SLC35F1: variants seen among roughly 807,000 people sequenced by gnomAD.
SLC35F1 encodes solute carrier family 35 member F1, also known as chromosome 6 open reading frame 169.
Under a neutral mutation model 48.7 loss-of-function variants are expected in SLC35F1, and 14 were observed. That is an observed-to-expected ratio of 0.29 (90% CI 0.19 to 0.45). The LOEUF (loss-of-function observed/expected upper bound fraction) is 0.45, where lower values mean the gene tolerates loss of function less well. Ranked by LOEUF, SLC35F1 falls within the 20% of genes least tolerant of loss-of-function variation. The pLI, the probability that SLC35F1 is intolerant of heterozygous loss-of-function variation, is 1.00. For missense variants in SLC35F1, 404 were observed against 500.0 expected, an observed-to-expected ratio of 0.81 and a Z score of 1.83; for synonymous variants, 190 against 202.2, an observed-to-expected ratio of 0.94 and a Z score of 0.51.
At chr6:118,231,456 T>C (rs1187603680) in intron 2 of SLC35F1, among the ~76,000 whole-genome samples, 4 of 152,210 alleles carry the variant, frequency 2.6e-5, no homozygotes, top group African/African-American at 7.2e-5. Context: ...AGAGTTTTAA[T>C]GGTCTGTTGC....
chr6:118,016,550 C>T (rs2114880731), intron 1 of SLC35F1, among the ~76,000 whole-genome samples: 1 of 152,274 alleles, frequency 6.6e-6, no homozygotes, highest in African/African-American at 2.4e-5. Context: ...TTTTAAAAGG[C>T]ATAGAATTCA....
chr6:118,299,655 C>T (rs749357229), intron 7 of SLC35F1, among the ~76,000 whole-genome samples: 6 of 152,018 alleles, frequency 3.9e-5, no homozygotes, highest in Non-Finnish European at 5.9e-5. Context: ...GATTGTAATG[C>T]GAAGTAAAAA....
intron 1 of SLC35F1, among the ~76,000 whole-genome samples, chr6:117,964,942 G>C (rs1316802735): frequency 6.6e-6 from 1 of 152,154 alleles, no homozygotes; most frequent in Non-Finnish European, 1.5e-5. Flanking sequence ...CTACATGCAG[G>C]AAAACAGAAA....
intron 3 of SLC35F1, among the ~76,000 whole-genome samples, chr6:118,260,925 C>G (rs1440342069): frequency 6.6e-6 from 1 of 152,186 alleles, no homozygotes; most frequent in Non-Finnish European, 1.5e-5. Flanking sequence ...GTGTCTGTCT[C>G]TCTAATGTCT....
At chr6:118,024,367 GA>G (rs1777436305) in intron 1 of SLC35F1, among the ~76,000 whole-genome samples, 9 of 152,174 alleles carry the variant, frequency 5.9e-5, no homozygotes. Context: ...TCATTAAGAT[GA>G]AAAGAAAAGC....
At chr6:118,211,192 C>A (rs868619458) in intron 2 of SLC35F1, among the ~76,000 whole-genome samples, 5 of 152,318 alleles carry the variant, frequency 3.3e-5, no homozygotes, top group South Asian at 4.1e-4. Flanking sequence ...AATTTCATTG[C>A]TTAAACCATC....
intron 1 of SLC35F1, among the ~76,000 whole-genome samples, chr6:118,095,771 T>C (rs1397192982): frequency 6.6e-6 from 1 of 152,008 alleles, no homozygotes; most frequent in East Asian, 1.9e-4. Flanking sequence ...GCTGAAATAG[T>C]GTGCAAATGG....
chr6:118,135,497 T>C (rs1171197974), intron 1 of SLC35F1, among the ~76,000 whole-genome samples: 4 of 152,220 alleles, frequency 2.6e-5, no homozygotes, highest in South Asian at 2.1e-4. Context: ...AGCATTTAGA[T>C]GCCGGGTACC....
At chr6:118,066,910 C>T (rs1268926234) in intron 1 of SLC35F1, among the ~76,000 whole-genome samples, 2 of 151,924 alleles carry the variant, frequency 1.3e-5, no homozygotes, top group African/African-American at 4.8e-5. Flanking sequence ...CTTCACCCCG[C>T]CCCACTGAAA....
intron 1 of SLC35F1, among the ~76,000 whole-genome samples, chr6:117,923,850 A>G (rs1277715436): frequency 2.0e-5 from 2 of 101,612 alleles, no homozygotes; most frequent in East Asian, 6.0e-4. Context: ...ACATATATGC[A>G]CATATATATG....
intron 1 of SLC35F1, among the ~76,000 whole-genome samples, chr6:118,109,299 C>T (rs1190674537): frequency 5.9e-5 from 9 of 152,110 alleles, no homozygotes; most frequent in African/African-American, 2.2e-4. Flanking sequence ...GCCCATTGGC[C>T]ACAATCAAGG....
chr6:118,007,457 C>T (rs1249546019), intron 1 of SLC35F1, among the ~76,000 whole-genome samples: 1 of 152,078 alleles, frequency 6.6e-6, no homozygotes, highest in Non-Finnish European at 1.5e-5. Context: ...AGCTGTAATC[C>T]CCATGGTTGT....
chr6:117,953,909 A>T (rs1281918083), intron 1 of SLC35F1, among the ~76,000 whole-genome samples: 1 of 152,166 alleles, frequency 6.6e-6, no homozygotes, highest in Non-Finnish European at 1.5e-5. Context: ...CATGAATGGG[A>T]TCCTGAAACA....
At chr6:118,267,432 C>T (rs748550677) in intron 4 of SLC35F1, among the ~76,000 whole-genome samples, 6 of 152,212 alleles carry the variant, frequency 3.9e-5, no homozygotes, top group Non-Finnish European at 8.8e-5. Context: ...GAGTCATGAC[C>T]TACCAAGAAG....
intron 1 of SLC35F1, among the ~76,000 whole-genome samples, chr6:118,008,440 C>A (rs1582616242): frequency 1.3e-5 from 2 of 152,026 alleles, no homozygotes; most frequent in African/African-American, 4.8e-5. Context: ...ATGTTGGGGT[C>A]AATATTTAAA....
intron 1 of SLC35F1, among the ~76,000 whole-genome samples, chr6:117,983,051 T>C (rs926706528): frequency 7.2e-5 from 11 of 152,206 alleles, no homozygotes; most frequent in Admixed American, 7.2e-4. Flanking sequence ...CCTATTTCTC[T>C]GTCTGCCTAC....
chr6:118,089,312 A>G (rs1773038209), intron 1 of SLC35F1, among the ~76,000 whole-genome samples: 1 of 152,142 alleles, frequency 6.6e-6, no homozygotes, highest in Non-Finnish European at 1.5e-5. Context: ...TATTTTATAC[A>G]TACTTGGAGC....
At position 118,275,470 on chromosome 6, in the gene SLC35F1, C is replaced by G. The variant is rs927595132; in HGVS notation, c.649C>G (p.Leu217Val). 15 of 1,610,758 alleles carry G rather than the reference C, an allele frequency of 9.3e-6. No homozygotes were observed. Among genetic ancestry groups the G allele is most frequent in the Non-Finnish European group, 1.3e-5 (15 of 1,178,596 alleles). The change falls in exon 5 of 8, where the codon CTG (leucine) becomes GTG (valine). Residue 217 changes from leucine to valine, a missense_variant. Physicochemically the swap from Leu to Val is conservative, Grantham distance 32 (BLOSUM62 1). Coordinates refer to ENST00000360388, the MANE Select transcript of SLC35F1 (RefSeq NM_001029858.4). The part of the protein sequence containing the change: ...GRHQGAGENK[L>V]VGDLLVLGGA... ...TGGTTGGTTCCTAGGGGAAAATAAGCTGGTAGGGGACCTTCTGGTCTTAGG... is the reference window on the plus strand; with the variant it reads ...TGGTTGGTTCCTAGGGGAAAATAAGGTGGTAGGGGACCTTCTGGTCTTAGG...
At chr6:118,219,462 C>CGTGA (rs1383166855) in intron 2 of SLC35F1, among the ~76,000 whole-genome samples, 4 of 152,126 alleles carry the variant, frequency 2.6e-5, no homozygotes, top group African/African-American at 9.7e-5. Flanking sequence ...GAGATACCAT[C>CGTGA]TCACATCTCA....
Sources: gnomAD v4.1 joint callset for allele counts (sites outside exome capture counted in the v4.1 genomes callset) on GRCh38, gnomAD v4.1.1 for gene constraint, MANE v1.5 for transcripts, NCBI Gene and HGNC (gene_info 2026-07-23, HGNC 2026-07-21) for gene names.